The following PTH1R variants were observed in gnomAD, a reference collection of about 807,000 sequenced individuals.
PTH1R encodes parathyroid hormone/parathyroid hormone-related peptide receptor.
PTH1R carries 32 observed loss-of-function variants against 70.7 expected under a neutral mutation model. The observed-to-expected ratio is 0.45, with a 90% confidence interval of 0.34 to 0.61. The LOEUF (loss-of-function observed/expected upper bound fraction) is 0.61, where lower values mean the gene tolerates loss of function less well. PTH1R is among the 20% of genes least tolerant of loss of function. The pLI is 0.01. For missense variants in PTH1R, 626 were observed against 792.5 expected (o/e 0.79, Z 2.52); for synonymous variants, 329 against 324.8 (o/e 1.01, Z -0.14).
At chr3:46,887,878 A>G (rs937753868) in intron 3 of PTH1R, among the ~76,000 whole-genome samples, 7 of 152,182 alleles carry the variant, frequency 4.6e-5, no homozygotes, top group East Asian at 1.9e-4. Flanking sequence ...GTGTGTGTCT[A>G]TATGTGCGTG....
chr3:46,883,583 C>T lies in PTH1R; in HGVS notation c.24C>T (p.Pro8=). ...CGATGGGGACCGCCCGGATCGCACC[C>T]GGCCTGGCGCTCCTGCTCTGCTGCC... is the stretch of plus-strand genomic sequence containing the variant. The part of the protein sequence containing the change: MGTARIA[P]GLALLLCCPV... The change falls in exon 3 of 16, where the codon CCC becomes CCT. Residue 8 remains proline, a synonymous_variant. Coordinates refer to ENST00000449590, the MANE Select transcript of PTH1R (RefSeq NM_000316.3). This position sits in a 1 kb window ranked among gnomAD's most constrained non-coding sequence, Gnocchi z 6.4. 6.5e-7 allele frequency: 1 copy of T among 1,540,288 alleles called. No homozygotes were observed. Among genetic ancestry groups the T allele is most frequent in the African/African-American group, 1.4e-5 (1 of 73,124 alleles).
At chr3:46,894,132 GC>G in intron 4 of PTH1R, 123 bp downstream of exon 4, 1 of 1,017,982 alleles carries the variant, frequency 9.8e-7, no homozygotes, top group South Asian at 1.5e-5. Context: ...GGTAAAGGGG[GC>G]CAGGCCAAAG....
At chr3:46,881,967 T>G (rs2030602799) in intron 2 of PTH1R, 2 of 152,036 alleles carry the variant, frequency 1.3e-5, no homozygotes. Context: ...AAAAAAAATT[T>G]AAAAGCCCGT....
At position 46,893,919 on chromosome 3, in the gene PTH1R, G is replaced by T. The variant is rs755263801; in HGVS notation, c.88G>T (p.Asp30Tyr). Reference protein sequence around the residue: ...SSAYALVDADDVMTKEEQIFL... With the variant: ...SSAYALVDADYVMTKEEQIFL... Reference sequence around the variant, plus strand: ...TTCGGCTTGGCAGGTGGATGCAGATGACGTCATGACTAAAGAGGAACAGAT... The same window carrying T: ...TTCGGCTTGGCAGGTGGATGCAGATTACGTCATGACTAAAGAGGAACAGAT... Residue 30 changes from aspartate (D) to tyrosine (Y), a missense_variant, in exon 4 of 16, where the codon GAC becomes TAC. Transcript: ENST00000449590. This position sits in a 1 kb window ranked among gnomAD's most constrained non-coding sequence, Gnocchi z 5.2. 1.9e-6 allele frequency: 3 copies of T among 1,614,082 alleles called. No homozygotes were observed. The highest frequency in any genetic ancestry group is 2.5e-6 in the Non-Finnish European group (3 of 1,180,012).
At chr3:46,887,239 G>GA (rs11130107) in intron 3 of PTH1R, among the ~76,000 whole-genome samples, 20,389 of 147,930 alleles carry the variant, frequency 0.14, 3,152 homozygotes, top group African/African-American at 0.38. Flanking sequence ...CTGTAAAAAA[G>GA]AAAAAAAAAA....
chr3:46,887,684 A>G (rs1311918783), intron 3 of PTH1R, among the ~76,000 whole-genome samples: 1 of 152,224 alleles, frequency 6.6e-6, no homozygotes, highest in Non-Finnish European at 1.5e-5. Flanking sequence ...GTTTTTAAAT[A>G]AATGGCATCG....
At chr3:46,888,906 C>A (rs974702947) in intron 3 of PTH1R, among the ~76,000 whole-genome samples, 5 of 152,244 alleles carry the variant, frequency 3.3e-5, no homozygotes, top group Admixed American at 2.6e-4. Flanking sequence ...TCTTCCCCCC[C>A]AGCCCCTCCC....
chr3:46,893,532 A>G lies in PTH1R; in HGVS notation c.76-375A>G, dbSNP rs985983841. Among the ~76,000 whole-genome samples, 1 of 151,308 alleles carries G rather than the reference A, an allele frequency of 6.6e-6. No homozygotes were observed. The highest frequency in any genetic ancestry group is 2.1e-4 in the South Asian group (1 of 4,780). On this transcript the variant is annotated intron_variant, in intron 3 of 15. Transcript: ENST00000449590. This position sits in a 1 kb window ranked among gnomAD's most constrained non-coding sequence, Gnocchi z 5.2. ...CTTATCCACCCCCTGCCCCCGACTC[A>G]TGTCCCCAGCAGGCAGCCAGGATCC...
At position 46,902,330 on chromosome 3, in the gene PTH1R, G is replaced by A. The variant is rs1483498491; in HGVS notation, c.1212-196G>A. ...CATTTGAAGTCCGCTCCGGGACACC[G>A]CTGAGAACCAACGGGCCCTATTAGC... On this transcript the variant is annotated intron_variant, in intron 13 of 15. Transcript: ENST00000449590. The surrounding 1 kb of genome is among the most constrained non-coding windows in gnomAD (Gnocchi z 5.4). Among the ~76,000 whole-genome samples, 7 of 152,284 alleles carry A rather than the reference G, an allele frequency of 4.6e-5. No individual in the cohort carries two copies. In the South Asian group the frequency reaches 8.3e-4, roughly 18 times the overall value.
intron 4 of PTH1R, among the ~76,000 whole-genome samples, chr3:46,894,219 G>A (rs1441057024): frequency 2.6e-5 from 4 of 152,066 alleles, no homozygotes; most frequent in African/African-American, 4.8e-5. Flanking sequence ...CCTAAGTCTC[G>A]AGCTCAGGTC....
rs2032179282 is a variant in PTH1R, at chr3:46,902,426, T to G, written c.1212-100T>G. On this transcript the variant is annotated intron_variant, in intron 13 of 15. Coordinates refer to ENST00000449590, the MANE Select transcript of PTH1R (RefSeq NM_000316.3). The surrounding 1 kb of genome is among the most constrained non-coding windows in gnomAD (Gnocchi z 5.4). ...CATGGTGACTGGAGCCCTGGGCCCC[T>G]TTGAGCTTCCGGAGCCTGGGGCTCG... 1 of 1,520,206 alleles carries G rather than the reference T, an allele frequency of 6.6e-7. No homozygotes were observed. The highest frequency in any genetic ancestry group is 1.2e-5 in the South Asian group (1 of 83,546). The allele number at this position is 1,520,206 out of a possible 1,614,324, so 94.2% of individuals were successfully genotyped here.
chr3:46,896,350 A>G lies in PTH1R; in HGVS notation c.313+481A>G, dbSNP rs1475906267. Among the ~76,000 whole-genome samples the G allele has an allele frequency of 6.6e-6, 1 of 152,118 alleles. No homozygotes were observed. The highest frequency in any genetic ancestry group is 1.5e-5 in the Non-Finnish European group (1 of 68,004). On this transcript the variant is annotated intron_variant, in intron 5 of 15. Coordinates refer to ENST00000449590, the MANE Select transcript of PTH1R (RefSeq NM_000316.3). The surrounding 1 kb of genome is among the most constrained non-coding windows in gnomAD (Gnocchi z 4.1). ...GGAGGTACATGGGGACACATAGTGGATAGGGCCACAGAAATAGAGAAGGAG... is the reference window on the plus strand; with the variant it reads ...GGAGGTACATGGGGACACATAGTGGGTAGGGCCACAGAAATAGAGAAGGAG...
In PTH1R at chr3:46,891,919, T is replaced by G. The variant is rs553495260; in HGVS notation, c.76-1988T>G. On this transcript the variant is annotated intron_variant, in intron 3 of 15. Transcript: ENST00000449590. This position sits in a 1 kb window ranked among gnomAD's most constrained non-coding sequence, Gnocchi z 4.3. ...GAGGTACTAGCAGCAACGATGGAAA[T>G]GGTAGTTAATGGGTGCTGTAAATGG... 6.6e-6 allele frequency among the ~76,000 whole-genome samples: 1 copy of G among 152,118 alleles called. No homozygotes were observed. Among genetic ancestry groups the G allele is most frequent in the East Asian group, 1.9e-4 (1 of 5,172 alleles).
Position 46,902,787 on chromosome 3 carries a change from C to G in PTH1R, c.1392C>G (p.Gly464=). ...FVAIIYCFCN[G]EVQAEIKKSW... is the part of the protein sequence containing the mutation. Reference sequence around the variant, plus strand: ...CAATCATATACTGTTTCTGCAATGGCGAGGTAAGCAGGAGACAGTGTTGGC... The same window carrying G: ...CAATCATATACTGTTTCTGCAATGGGGAGGTAAGCAGGAGACAGTGTTGGC... Residue 464 remains glycine (G), a synonymous_variant, in exon 15 of 16, where the codon GGC becomes GGG. Coordinates refer to ENST00000449590, the MANE Select transcript of PTH1R (RefSeq NM_000316.3). This position sits in a 1 kb window ranked among gnomAD's most constrained non-coding sequence, Gnocchi z 5.4. 1 of 1,613,642 alleles carries G rather than the reference C, an allele frequency of 6.2e-7. No individual in the cohort carries two copies. Among genetic ancestry groups the G allele is most frequent in the Non-Finnish European group, 8.5e-7 (1 of 1,179,994 alleles).
rs758094742 is a variant in PTH1R, at chr3:46,902,946, A to T, written c.1395+156A>T. The T allele has an allele frequency of 8.5e-7, 1 of 1,179,964 alleles. No homozygotes were observed. Among genetic ancestry groups the T allele is most frequent in the Non-Finnish European group, 1.2e-6 (1 of 808,102 alleles). 73.1% of individuals were successfully genotyped at this position (1,179,964 alleles called of 1,614,324 possible). On this transcript the variant is annotated intron_variant, in intron 15 of 15. Transcript: ENST00000449590. This position sits in a 1 kb window ranked among gnomAD's most constrained non-coding sequence, Gnocchi z 5.4. ...GAAAGCAGAGAAGTCTTTCCAGATG[A>T]TGCAGGTTCAGGATGTGCTAGGATG...
Position 46,892,892 on chromosome 3 carries a change from G to A in PTH1R, c.76-1015G>A, listed in dbSNP as rs943773227. 2.9e-5 allele frequency: 24 copies of A among 835,496 alleles called. No homozygotes were observed. The African/African-American group carries it at 4.2e-4, about 15-fold the overall frequency. 51.8% of individuals were successfully genotyped at this position (835,496 alleles called of 1,614,324 possible). ...AGGAAACACGACCCTGAATTAAGAG[G>A]GATGGGGCTGAGGGCTTCACAGCCC... On this transcript the variant is annotated intron_variant, in intron 3 of 15. Coordinates refer to ENST00000449590, the MANE Select transcript of PTH1R (RefSeq NM_000316.3). This position sits in a 1 kb window ranked among gnomAD's most constrained non-coding sequence, Gnocchi z 5.2.
chr3:46,890,658 A>T (rs1028064123), intron 3 of PTH1R, among the ~76,000 whole-genome samples: 4 of 151,616 alleles, frequency 2.6e-5, no homozygotes, highest in African/African-American at 4.8e-5. Flanking sequence ...GCACCACCAC[A>T]CCCAGCTAAT....
Position 46,903,209 on chromosome 3 carries a change from G to A in PTH1R, c.1396-61G>A, listed in dbSNP as rs141048596. On this transcript the variant is annotated intron_variant, in intron 15 of 15. Transcript: ENST00000449590. The surrounding 1 kb of genome is among the most constrained non-coding windows in gnomAD (Gnocchi z 4.4). ...ATTCCGTGCTGGGTGTCCAGGGGCCGGGATGGGGCATCGCTGGGGTTGGGA... is the reference window on the plus strand; with the variant it reads ...ATTCCGTGCTGGGTGTCCAGGGGCCAGGATGGGGCATCGCTGGGGTTGGGA... 21,014 of 1,602,636 alleles carry A rather than the reference G, an allele frequency of 0.013. 160 individuals are homozygous for A. The highest frequency in any genetic ancestry group is 0.015 in the Non-Finnish European group (17,993 of 1,176,222).
intron 9 of PTH1R, 43 bp downstream of exon 9, chr3:46,898,900 C>T: frequency 7.3e-7 from 1 of 1,375,888 alleles, no homozygotes; most frequent in South Asian, 1.4e-5. Context: ...CCGCCACTGG[C>T]CTCGTGGGGC....
Sources: allele counts gnomAD v4.1 joint callset (sites outside exome capture counted in the v4.1 genomes callset), GRCh38; gene constraint gnomAD v4.1.1; non-coding constraint Gnocchi (gnomAD v3.1); transcripts MANE v1.5; gene names NCBI Gene and HGNC (gene_info 2026-07-23, HGNC 2026-07-21).